The following SPTBN1 variants were observed in gnomAD, a reference collection of about 807,000 sequenced individuals.
SPTBN1 encodes the protein spectrin beta chain, non-erythrocytic 1.
A neutral mutation model predicts 266.4 loss-of-function variants in SPTBN1; 32 were observed. That is an observed-to-expected ratio of 0.12 (90% confidence interval 0.09 to 0.16). The LOEUF is 0.16. Among genes scored for constraint, SPTBN1 ranks in the 10% least tolerant of loss-of-function variants. SPTBN1 has a pLI of 1.00. For synonymous variants in SPTBN1, 1,336 were observed against 1,162.2 expected (o/e 1.15, Z -3.04); for missense variants, 2,296 against 3,067.1 (o/e 0.75, Z 5.94).
rs913599116 is a variant in SPTBN1, at chr2:54,664,898, G to A, written c.6659+207G>A. ...ACTGAGAGAAGAAGAGTTGAGTTTG[G>A]ATGGGAGTAGCTAGAAGGGGCTTTA... On this transcript the variant is annotated intron_variant, in intron 33 of 35. Transcript: ENST00000356805. The surrounding 1 kb of genome is among the most constrained non-coding windows in gnomAD (Gnocchi z 5.6). The A allele has an allele frequency of 2.9e-5, 17 of 582,174 alleles. No homozygotes were observed. The highest frequency in any genetic ancestry group is 2.4e-4 in the Admixed American group (8 of 32,776). The allele number at this position is 582,174 out of a possible 1,614,324, so 36.1% of individuals were successfully genotyped here. A position where few individuals can be genotyped will look rare whatever the true frequency, so the allele number is the denominator to read the frequency against.
Position 54,653,678 on chromosome 2 carries a change from C to G in SPTBN1, c.5647C>G (p.Gln1883Glu). ...AYAGDKADDI[Q>E]KRENEVLEAW... ...TGCGGGTGACAAGGCCGACGATATCCAGAAGCGCGAGAACGAGGTCCTGGA... is the reference window on the plus strand; with the variant it reads ...TGCGGGTGACAAGGCCGACGATATCGAGAAGCGCGAGAACGAGGTCCTGGA... Residue 1883 changes from glutamine to glutamate, a missense_variant, in exon 27 of 36, where the codon CAG becomes GAG. Around this residue, in one of 12 missense-constraint regions of SPTBN1, gnomAD observed 644 missense variants for 745.3 expected, o/e 0.86. Transcript: ENST00000356805. The surrounding 1 kb of genome is among the most constrained non-coding windows in gnomAD (Gnocchi z 5.1). The G allele has an allele frequency of 3.7e-6, 6 of 1,614,168 alleles. No individual in the cohort carries two copies. The highest frequency in any genetic ancestry group is 5.1e-6 in the Non-Finnish European group (6 of 1,180,018).
intron 6 of SPTBN1, 119 bp downstream of exon 6, chr2:54,617,807 C>G: frequency 1.0e-6 from 1 of 972,022 alleles, no homozygotes; most frequent in Non-Finnish European, 1.6e-6. Context: ...GTGGAAATTT[C>G]TGCATTCCAT....
At chr2:54,644,223 G>A (rs1558462490) in intron 19 of SPTBN1, 100 bp from the exon 20 acceptor site, 17 of 1,436,874 alleles carry the variant, frequency 1.2e-5, no homozygotes, top group Non-Finnish European at 1.6e-5. Context: ...TTGAGTGAAT[G>A]GTTAAATCAC....
chr2:54,629,243 C>T lies in SPTBN1; in HGVS notation c.2109C>T (p.Asp703=). Residue 703 remains aspartate, a synonymous_variant, in exon 14 of 36, where the codon GAC becomes GAT. Transcript: ENST00000356805. The part of the protein sequence containing the change: ...HFEQAIKEGE[D]MIAEEHFGSE... ...AGCAGGCCATCAAGGAAGGCGAAGA[C>T]ATGATCGCGGAGGAGCACTTCGGGT... is the stretch of plus-strand genomic sequence containing the variant. 6.2e-7 allele frequency: 1 copy of T among 1,613,988 alleles called. No individual in the cohort carries two copies. Among genetic ancestry groups the T allele is most frequent in the Non-Finnish European group, 8.5e-7 (1 of 1,180,030 alleles).
chr2:54,596,233 C>A (rs1640477101), intron 2 of SPTBN1, among the ~76,000 whole-genome samples: 1 of 152,152 alleles, frequency 6.6e-6, no homozygotes, highest in Non-Finnish European at 1.5e-5. Context: ...CCAAGCCTTG[C>A]TGGGTGGGGA....
rs1052067095 is a variant in SPTBN1 at position 54,664,531 on chromosome 2, A to T, written c.6499A>T (p.Ile2167Phe). The change falls in exon 33 of 36, where the codon ATC becomes TTC. Residue 2167 changes from isoleucine (I) to phenylalanine (F), a missense_variant. By Grantham distance (21) the Ile-to-Phe change is conservative (BLOSUM62 0). Transcript: ENST00000356805. The surrounding 1 kb of genome is among the most constrained non-coding windows in gnomAD (Gnocchi z 5.6). ...GACGAGCTCTAAAGAGTCCAGCCCCATCCCCTCCCCGACCTCTGATCGTAA... is the reference window on the plus strand; with the variant it reads ...GACGAGCTCTAAAGAGTCCAGCCCCTTCCCCTCCCCGACCTCTGATCGTAA... ...QRTSSKESSP[I>F]PSPTSDRKAK... 3.1e-6 allele frequency: 5 copies of T among 1,614,082 alleles called. No homozygotes were observed. Among genetic ancestry groups the T allele is most frequent in the Non-Finnish European group, 4.2e-6 (5 of 1,180,006 alleles).
At chr2:54,552,707 G>C (rs1191031185) in intron 2 of SPTBN1, among the ~76,000 whole-genome samples, 2 of 151,946 alleles carry the variant, frequency 1.3e-5, no homozygotes, top group Non-Finnish European at 2.9e-5. Flanking sequence ...CACCTGCCTT[G>C]GCCTCCCAAA....
intron 2 of SPTBN1, among the ~76,000 whole-genome samples, chr2:54,548,124 C>T (rs1558827437): frequency 1.3e-5 from 2 of 152,172 alleles, no homozygotes; most frequent in African/African-American, 4.8e-5. Flanking sequence ...GCCAGGGCAA[C>T]AGAGCGAGGC....
In SPTBN1 at chr2:54,593,919, C is replaced by T. The variant is rs141198856; in HGVS notation, c.149-5173C>T. Reference sequence around the variant, plus strand: ...CATGATCTTGGCTCACTGCAACCTCCGCCTCCCAGGTTCAAGTAGTTCTCC... The same window carrying T: ...CATGATCTTGGCTCACTGCAACCTCTGCCTCCCAGGTTCAAGTAGTTCTCC... On this transcript the variant is annotated intron_variant, in intron 2 of 35. Coordinates refer to ENST00000356805, the MANE Select transcript of SPTBN1 (RefSeq NM_003128.3). Among the ~76,000 whole-genome samples the T allele has an allele frequency of 3.4e-3, 488 of 145,576 alleles. 21 individuals are homozygous for T. The East Asian group carries it at 0.086, about 26-fold the overall frequency.
At chr2:54,586,114 T>C (rs1675273255) in intron 2 of SPTBN1, among the ~76,000 whole-genome samples, 1 of 152,220 alleles carries the variant, frequency 6.6e-6, no homozygotes, top group South Asian at 2.1e-4. Flanking sequence ...GTCACAGTTG[T>C]TCGTGACTTC....
intron 8 of SPTBN1, 95 bp downstream of exon 8, chr2:54,621,607 T>C: frequency 1.1e-6 from 1 of 917,980 alleles, no homozygotes; most frequent in South Asian, 1.4e-5. Flanking sequence ...CAATAGCAAT[T>C]TGTAGTGGAC....
chr2:54,655,293 A>T, intron 28 of SPTBN1, 85 bp downstream of exon 28: 5 of 1,527,954 alleles, frequency 3.3e-6, no homozygotes, highest in Non-Finnish European at 4.5e-6. Flanking sequence ...TGTCAGAGAT[A>T]CTGTGTTTAC....
chr2:54,529,851 CCAAAAAAAA>C (rs1671100201), intron 2 of SPTBN1: 7 of 59,502 alleles, frequency 1.2e-4, no homozygotes, highest in South Asian at 5.4e-4. Context: ...TCTCTTTTCA[CCAAAAAAAA>C]AAAAAAAAAA....
intron 2 of SPTBN1, among the ~76,000 whole-genome samples, chr2:54,552,589 TG>T (rs1324073653): frequency 6.6e-6 from 1 of 151,928 alleles, no homozygotes; most frequent in Non-Finnish European, 1.5e-5. Flanking sequence ...CCTGAGTAGC[TG>T]GGATTACAGG....
chr2:54,567,621 G>A (rs1300375238), intron 2 of SPTBN1, among the ~76,000 whole-genome samples: 2 of 152,230 alleles, frequency 1.3e-5, no homozygotes, highest in East Asian at 3.9e-4. Context: ...CTACATTCAT[G>A]TATTGCATTG....
chr2:54,589,463 G>T (rs1675522430), intron 2 of SPTBN1, among the ~76,000 whole-genome samples: 1 of 152,220 alleles, frequency 6.6e-6, no homozygotes, highest in Non-Finnish European at 1.5e-5. Flanking sequence ...GATGCAACCT[G>T]TAGGTGCCAG....
At chr2:54,665,582 C>T (rs1681315489) in intron 33 of SPTBN1, among the ~76,000 whole-genome samples, 1 of 152,160 alleles carries the variant, frequency 6.6e-6, no homozygotes, top group Admixed American at 6.5e-5. Context: ...AGCTCATGAC[C>T]ATAAGAGGGC....
At chr2:54,498,354 T>C (rs1307873790) in intron 1 of SPTBN1, among the ~76,000 whole-genome samples, 1 of 152,226 alleles carries the variant, frequency 6.6e-6, no homozygotes, top group Non-Finnish European at 1.5e-5. Context: ...TTTAAATAGC[T>C]ACACATGGCT....
At chr2:54,550,487 C>G (rs969204014) in intron 2 of SPTBN1, among the ~76,000 whole-genome samples, 1 of 152,162 alleles carries the variant, frequency 6.6e-6, no homozygotes, top group African/African-American at 2.4e-5. Context: ...AAGAAACACA[C>G]CCCACACCCC....
Sources: gnomAD v4.1 joint callset for allele counts (sites outside exome capture counted in the v4.1 genomes callset) on GRCh38, gnomAD v4.1.1 for gene constraint, gnomAD v4.1.1 regional missense constraint, Gnocchi (gnomAD v3.1) non-coding constraint, MANE v1.5 for transcripts, NCBI Gene and HGNC (gene_info 2026-07-23, HGNC 2026-07-21) for gene names.